KMT2E: variants seen among roughly 807,000 people sequenced by gnomAD.
KMT2E encodes lysine methyltransferase 2E (inactive).
KMT2E carries 30 observed loss-of-function variants against 184.6 expected under a neutral mutation model. The ratio of observed to expected loss-of-function variants is 0.16; its 90% confidence interval spans 0.12 to 0.22. The LOEUF is 0.22. Among genes scored for constraint, KMT2E ranks in the 10% least tolerant of loss-of-function variants. The pLI, the probability that KMT2E is intolerant of heterozygous loss-of-function variation, is 1.00. For synonymous variants in KMT2E, 815 were observed against 776.5 expected (o/e 1.05, Z -0.82); for missense variants, 2,023 against 2,237.4 (o/e 0.90, Z 1.93).
intron 1 of KMT2E, among the ~76,000 whole-genome samples, chr7:105,021,576 C>T (rs1486574032): frequency 6.6e-6 from 1 of 152,140 alleles, no homozygotes; most frequent in Admixed American, 6.5e-5. Flanking sequence ...ATGGGCCTCA[C>T]AGGAATTGGC....
chr7:105,082,816 T>A (rs189446810), intron 13 of KMT2E, among the ~76,000 whole-genome samples: 7 of 152,336 alleles, frequency 4.6e-5, no homozygotes, highest in Admixed American at 4.6e-4. Context: ...AGAGTCCATA[T>A]CATAAAAAAG....
rs372176734 is a variant in KMT2E at position 105,035,520 on chromosome 7, A to G, written c.-188-2606A>G. Among the ~76,000 whole-genome samples the G allele has an allele frequency of 6.0e-5, 9 of 150,882 alleles. No homozygotes were observed. The East Asian group carries it at 9.8e-4, about 16-fold the overall frequency. ...CAGCATAATTACCTTGGATTCACCCAAGTTGTTGCCTGTATTGATAGTTTG... is the reference window on the plus strand; with the variant it reads ...CAGCATAATTACCTTGGATTCACCCGAGTTGTTGCCTGTATTGATAGTTTG... On this transcript the variant is annotated intron_variant, in intron 1 of 26. Coordinates refer to ENST00000311117, the MANE Select transcript of KMT2E (RefSeq NM_182931.3).
At chr7:105,070,160 G>A (rs542912948) in intron 6 of KMT2E, among the ~76,000 whole-genome samples, 1 of 151,778 alleles carries the variant, frequency 6.6e-6, no homozygotes, top group African/African-American at 2.4e-5. Flanking sequence ...ACAGGTTTTT[G>A]TGTGAACCTA....
intron 13 of KMT2E, among the ~76,000 whole-genome samples, chr7:105,082,287 A>G (rs1290894284): frequency 1.3e-5 from 2 of 152,200 alleles, no homozygotes; most frequent in South Asian, 4.1e-4. Context: ...AAATCTCAGT[A>G]CAGTTGGCCC....
In KMT2E at chr7:105,099,893, C is replaced by A. The variant is rs143881430; in HGVS notation, c.1723-1532C>A. Among the ~76,000 whole-genome samples, 298 of 152,280 alleles carry A rather than the reference C, an allele frequency of 2.0e-3. 2 individuals are homozygous for A. The highest frequency in any genetic ancestry group is 6.4e-3 in the African/African-American group (265 of 41,550). On this transcript the variant is annotated intron_variant, in intron 15 of 26. Coordinates refer to ENST00000311117, the MANE Select transcript of KMT2E (RefSeq NM_182931.3). ...TTAGTTACTCCAAATTTCTCCTCTT[C>A]TACATTCAGGGTTTTAGAGAAGCCC...
intron 17 of KMT2E, 151 bp from the exon 18 acceptor site, chr7:105,105,288 G>T (rs1798851075): frequency 1.4e-5 from 7 of 496,522 alleles, no homozygotes; most frequent in Non-Finnish European, 2.4e-5. Flanking sequence ...AAATGTAAAA[G>T]GACATACTGA....
chr7:105,021,867 A>G (rs572512683), intron 1 of KMT2E, among the ~76,000 whole-genome samples: 21 of 152,326 alleles, frequency 1.4e-4, no homozygotes, highest in African/African-American at 4.1e-4. Context: ...GGAATGCTAA[A>G]AAACCAAGAT....
At chr7:105,082,347 G>A (rs1161237256) in intron 13 of KMT2E, among the ~76,000 whole-genome samples, 3 of 152,154 alleles carry the variant, frequency 2.0e-5, no homozygotes, top group Non-Finnish European at 4.4e-5. Flanking sequence ...TCCACAATCT[G>A]CGTATACATT....
At chr7:105,044,193 T>G (rs1584719557) in intron 3 of KMT2E, among the ~76,000 whole-genome samples, 1 of 152,344 alleles carries the variant, frequency 6.6e-6, no homozygotes, top group East Asian at 1.9e-4. Context: ...GTGGTATAAA[T>G]TTAGGACTAC....
Position 105,063,596 on chromosome 7 carries a change from C to A in KMT2E, c.416+16C>A. On this transcript the variant is annotated intron_variant, in intron 5 of 26. Transcript: ENST00000311117. ...ACAAATGCAGGTAAAATATTTTACA[C>A]CATTATTTTATTTTTCTTGAATGCT... 6.8e-7 allele frequency: 1 copy of A among 1,466,668 alleles called. No homozygotes were observed. Among genetic ancestry groups the A allele is most frequent in the Non-Finnish European group, 9.3e-7 (1 of 1,075,320 alleles). The allele number at this position is 1,466,668 out of a possible 1,614,324, so 90.9% of individuals were successfully genotyped here.
Position 105,109,224 on chromosome 7 carries a change from C to A in KMT2E, c.3751C>A (p.Gln1251Lys). The change falls in exon 23 of 27, where the codon CAA (glutamine) becomes AAA (lysine). Residue 1251 changes from glutamine (Q) to lysine (K), a missense_variant. Physicochemically the swap from Gln to Lys is moderately conservative, Grantham distance 53. Transcript: ENST00000311117. ...TASEKNEPEV[Q>K]WTASTSVEQV... ...TAGTGAGAAGAATGAACCAGAAGTT[C>A]AATGGTAAGCCCATTGTGAAGTATG... 2 of 1,613,224 alleles carry A rather than the reference C, an allele frequency of 1.2e-6. No homozygotes were observed. Among genetic ancestry groups the A allele is most frequent in the South Asian group, 2.2e-5 (2 of 90,908 alleles).
intron 1 of KMT2E, among the ~76,000 whole-genome samples, chr7:105,022,441 G>C (rs1025670430): frequency 1.3e-5 from 2 of 152,004 alleles, no homozygotes; most frequent in East Asian, 3.8e-4. Context: ...TAGAATACTA[G>C]ATTAGAAATA....
At position 105,076,984 on chromosome 7, in the gene KMT2E, C is replaced by T. The variant is rs146629053; in HGVS notation, c.790C>T (p.Pro264Ser). The change falls in exon 10 of 27, where the codon CCT becomes TCT. Residue 264 changes from proline to serine, a missense_variant. Around this residue, in one of 8 missense-constraint regions of KMT2E, gnomAD observed 191 missense variants for 209.0 expected, o/e 0.91. Transcript: ENST00000311117. ...TTAGGGTTCAGCTCCAGAGATTGAT[C>T]CTTCATCTGATGGTTCAAATTTTGG... ...RVKGSAPEID[P>S]SSDGSNFGWE... is the part of the protein sequence containing the mutation. The T allele has an allele frequency of 3.8e-6, 6 of 1,597,840 alleles. No homozygotes were observed. The highest frequency in any genetic ancestry group is 5.1e-6 in the Non-Finnish European group (6 of 1,170,218).
chr7:105,028,518 G>A (rs769478306), intron 1 of KMT2E, among the ~76,000 whole-genome samples: 5 of 151,206 alleles, frequency 3.3e-5, no homozygotes, highest in Non-Finnish European at 7.4e-5. Context: ...TTTTTTGAGG[G>A]ATGGTCTCAT....
At position 105,107,551 on chromosome 7, in the gene KMT2E, C is replaced by G; in HGVS notation, c.3094C>G (p.Pro1032Ala). 6.2e-7 allele frequency: 1 copy of G among 1,614,004 alleles called. No homozygotes were observed. Among genetic ancestry groups the G allele is most frequent in the Non-Finnish European group, 8.5e-7 (1 of 1,179,954 alleles). ...DLQLGLDAVE[P>A]TALHKTLETP... Reference sequence around the variant, plus strand: ...TCAGCTAGGACTCGATGCAGTTGAGCCAACTGCCCTACATAAAACCCTGGA... The same window carrying G: ...TCAGCTAGGACTCGATGCAGTTGAGGCAACTGCCCTACATAAAACCCTGGA... The change falls in exon 22 of 27, where the codon CCA (proline) becomes GCA (alanine). Residue 1032 changes from proline (P) to alanine (A), a missense_variant. Around this residue, in one of 8 missense-constraint regions of KMT2E, gnomAD observed 1,108 missense variants for 1,050.9 expected, o/e 1.05. Transcript: ENST00000311117.
intron 17 of KMT2E, 41 bp from the exon 18 acceptor site, chr7:105,105,398 G>A: frequency 7.0e-7 from 1 of 1,436,244 alleles, no homozygotes; most frequent in Non-Finnish European, 9.4e-7. Flanking sequence ...GGAGAATTTG[G>A]AATTACATAT....
chr7:105,047,718 TGATATTCCTGGTCTATTTTA>T (rs1393199236), intron 3 of KMT2E, among the ~76,000 whole-genome samples: 1 of 152,192 alleles, frequency 6.6e-6, no homozygotes, highest in African/African-American at 2.4e-5. Context: ...AGAACTAGGG[TGATATTCCTGGTCTATTTTA>T]GATCCATGTC....
At chr7:105,081,255 G>T (rs899905714) in intron 12 of KMT2E, among the ~76,000 whole-genome samples, 3 of 151,840 alleles carry the variant, frequency 2.0e-5, no homozygotes, top group African/African-American at 7.3e-5. Context: ...ATGGTGGCAG[G>T]TGCCTGTAGT....
At chr7:105,024,342 T>C (rs898111150) in intron 1 of KMT2E, among the ~76,000 whole-genome samples, 1 of 152,178 alleles carries the variant, frequency 6.6e-6, no homozygotes, top group African/African-American at 2.4e-5. Flanking sequence ...CTTAATTCGG[T>C]GTTTAAACAA....
Sources: gnomAD v4.1 joint callset for allele counts (sites outside exome capture counted in the v4.1 genomes callset) on GRCh38, gnomAD v4.1.1 for gene constraint, gnomAD v4.1.1 regional missense constraint, MANE v1.5 for transcripts, NCBI Gene and HGNC (gene_info 2026-07-23, HGNC 2026-07-21) for gene names.